NSD2: variants seen among roughly 807,000 people sequenced by gnomAD.
NSD2 encodes histone-lysine N-methyltransferase NSD2.
NSD2 carries 12 observed loss-of-function variants against 139.0 expected under a neutral mutation model. The ratio of observed to expected loss-of-function variants is 0.09; its 90% CI spans 0.06 to 0.14. The LOEUF (loss-of-function observed/expected upper bound fraction) is 0.14, where lower values mean the gene tolerates loss of function less well. Ranked by LOEUF, NSD2 falls within the 10% of genes least tolerant of loss-of-function variation. The pLI is 1.00. For missense variants in NSD2, 1,155 were observed against 1,745.0 expected, an observed-to-expected ratio of 0.66 and a Z score of 6.02; for synonymous variants, 669 against 648.7, an observed-to-expected ratio of 1.03 and a Z score of -0.48.
At chr4:1,934,878 A>AAAAAT (rs1560695042) in intron 6 of NSD2, among the ~76,000 whole-genome samples, 1 of 22,060 alleles carries the variant, frequency 4.5e-5, no homozygotes, top group African/African-American at 2.1e-4. Context: ...AAAAAAAAAA[A>AAAAAT]ATATATATAT....
chr4:1,975,636 GT>G, intron 20 of NSD2: 1 of 506,744 alleles, frequency 2.0e-6, no homozygotes, highest in East Asian at 3.3e-5. Context: ...CAGACGCGTG[GT>G]TTCGCAGTTC....
intron 7 of NSD2, among the ~76,000 whole-genome samples, chr4:1,937,842 C>T (rs1560704571): frequency 1.3e-5 from 2 of 152,212 alleles, no homozygotes; most frequent in East Asian, 1.9e-4. Flanking sequence ...AATCTCAGCC[C>T]TTGAGAAAAG....
In NSD2 at chr4:1,930,707, C is replaced by A; in HGVS notation, c.1492C>A (p.Gln498Lys). Residue 498 changes from glutamine (Q) to lysine (K), a missense_variant, in exon 6 of 22, where the codon CAG (glutamine) becomes AAG (lysine). By Grantham distance (53) the Gln-to-Lys change is moderately conservative. Transcript: ENST00000508803. ...RSQWSLLSEK[Q>K]RARYNTKFAL... The stretch of plus-strand genomic sequence containing the variant: ...ACAGTGGAGTCTGCTGAGTGAGAAG[C>A]AGAGAGCACGCTACAACACCAAGTT... 6.2e-7 allele frequency: 1 copy of A among 1,613,920 alleles called. No homozygotes were observed. Among genetic ancestry groups the A allele is most frequent in the Non-Finnish European group, 8.5e-7 (1 of 1,179,952 alleles).
chr4:1,884,938 G>C (rs549618779), intron 1 of NSD2, among the ~76,000 whole-genome samples: 3 of 151,604 alleles, frequency 2.0e-5, no homozygotes, highest in African/African-American at 7.3e-5. Flanking sequence ...GAGAAACCCT[G>C]TCTCTACTAA....
At chr4:1,970,993 T>G (rs539102686) in intron 18 of NSD2, among the ~76,000 whole-genome samples, 93 of 152,316 alleles carry the variant, frequency 6.1e-4, no homozygotes, top group Non-Finnish European at 3.5e-4. Context: ...TTAAAGGACT[T>G]CCAGATTGGA....
intron 6 of NSD2, among the ~76,000 whole-genome samples, chr4:1,933,365 C>T (rs527915149): frequency 6.6e-6 from 1 of 152,216 alleles, no homozygotes; most frequent in Non-Finnish European, 1.5e-5. Flanking sequence ...CAGCGTCCTT[C>T]AGGGCAACAG....
At chr4:1,950,546 G>A (rs892137670) in intron 9 of NSD2, among the ~76,000 whole-genome samples, 3 of 152,232 alleles carry the variant, frequency 2.0e-5, no homozygotes, top group African/African-American at 7.2e-5. Flanking sequence ...CTGCACCCCC[G>A]CGTAGGCACA....
intron 5 of NSD2, among the ~76,000 whole-genome samples, chr4:1,922,008 C>T (rs1017495636): frequency 4.6e-5 from 7 of 151,690 alleles, no homozygotes; most frequent in African/African-American, 1.2e-4. Context: ...ATTAGCCAGG[C>T]GTGGTGATGC....
At chr4:1,944,540 T>G in intron 9 of NSD2, 1 of 1,065,418 alleles carries the variant, frequency 9.4e-7, no homozygotes, top group Non-Finnish European at 1.1e-6. Flanking sequence ...AGAGGGGAGG[T>G]GGCTCTCCAG....
Position 1,942,747 on chromosome 4 carries a change from A to G in NSD2, c.1881+2969A>G. ...GCCCTGTTAGAGTTGCTTCTCCTCT[A>G]GTTTGTAACTTACTGGACTTTTGTG... On this transcript the variant is annotated intron_variant, in intron 9 of 21. Transcript: ENST00000508803. This position sits in a 1 kb window ranked among gnomAD's most constrained non-coding sequence, Gnocchi z 4.0. The G allele has an allele frequency of 2.8e-6, 3 of 1,090,012 alleles. No individual in the cohort carries two copies. In the South Asian group the frequency reaches 1.2e-4, roughly 43 times the overall value. 67.5% of individuals were successfully genotyped at this position (1,090,012 alleles called of 1,614,324 possible). A position where few individuals can be genotyped will look rare whatever the true frequency, so the allele number is the denominator to read the frequency against.
At chr4:1,912,453 A>G (rs1371928383) in intron 3 of NSD2, among the ~76,000 whole-genome samples, 1 of 152,186 alleles carries the variant, frequency 6.6e-6, no homozygotes, top group Non-Finnish European at 1.5e-5. Flanking sequence ...ATTTTCTTGT[A>G]AAACCTTTTG....
chr4:1,881,124 G>T (rs1714663658), intron 1 of NSD2, among the ~76,000 whole-genome samples: 1 of 152,120 alleles, frequency 6.6e-6, no homozygotes, highest in Non-Finnish European at 1.5e-5. Flanking sequence ...GTTGAGAGTG[G>T]TATGGGCACA....
intron 18 of NSD2, among the ~76,000 whole-genome samples, chr4:1,965,128 A>C (rs957953858): frequency 1.3e-5 from 2 of 151,586 alleles, no homozygotes; most frequent in African/African-American, 4.8e-5. Flanking sequence ...CAAAATCAGC[A>C]GAAACTATCC....
At chr4:1,917,916 G>T (rs1719618132) in intron 4 of NSD2, among the ~76,000 whole-genome samples, 1 of 151,472 alleles carries the variant, frequency 6.6e-6, no homozygotes, top group African/African-American at 2.4e-5. Context: ...TAGTAGCTGG[G>T]ACCACAGGCA....
intron 1 of NSD2, among the ~76,000 whole-genome samples, chr4:1,891,543 G>A (rs1051695064): frequency 5.3e-5 from 8 of 152,086 alleles, no homozygotes; most frequent in African/African-American, 1.7e-4. Context: ...GAGGCCTACT[G>A]TGTCTGAAGT....
At chr4:1,945,739 C>T (rs1723558682) in intron 9 of NSD2, 2 of 1,064,078 alleles carry the variant, frequency 1.9e-6, no homozygotes, top group Non-Finnish European at 2.3e-6. Context: ...AGCAGAGGCT[C>T]CTCTGATGGC....
chr4:1,930,792 T>C lies in NSD2; in HGVS notation c.1555+22T>C, dbSNP rs113840011. The C allele has an allele frequency of 8.7e-6, 14 of 1,607,726 alleles. No individual in the cohort carries two copies. In the Admixed American group the frequency reaches 1.2e-4, roughly 14 times the overall value. ...TCTGGTAAACATAGCATTATGCTGA[T>C]GTCCTCTGCTTGGGTTGATGTGTGT... On this transcript the variant is annotated intron_variant, in intron 6 of 21. Coordinates refer to ENST00000508803, the MANE Select transcript of NSD2 (RefSeq NM_001042424.3).
At chr4:1,911,553 A>C (rs1718662817) in intron 3 of NSD2, among the ~76,000 whole-genome samples, 1 of 142,296 alleles carries the variant, frequency 7.0e-6, no homozygotes, top group South Asian at 2.3e-4. Flanking sequence ...GCAGTACTGC[A>C]CTCCAGCCTG....
rs1714413701 is a variant in NSD2 at position 1,878,239 on chromosome 4, A to ATG, written c.-30+6698_-30+6699insGT. Among the ~76,000 whole-genome samples, 3 of 33,332 alleles carry ATG rather than the reference A, an allele frequency of 9.0e-5. 1 individual carries two copies. The South Asian group carries it at 3.2e-3, about 36-fold the overall frequency. 21.9% of individuals were successfully genotyped at this position (33,332 alleles called of 152,430 possible). ...CCATGCCCGGCTGATATATATATAT[A>ATG]TATATATATATATTTTTTTTTTTTT... On this transcript the variant is annotated intron_variant, in intron 1 of 21. Coordinates refer to ENST00000508803, the MANE Select transcript of NSD2 (RefSeq NM_001042424.3).
Sources: allele counts gnomAD v4.1 joint callset (sites outside exome capture counted in the v4.1 genomes callset), GRCh38; gene constraint gnomAD v4.1.1; non-coding constraint Gnocchi (gnomAD v3.1); transcripts MANE v1.5; gene names NCBI Gene and HGNC (gene_info 2026-07-23, HGNC 2026-07-21).